MED13L: variants seen among roughly 807,000 people sequenced by gnomAD.
MED13L encodes mediator of RNA polymerase II transcription subunit 13-like.
MED13L carries 7 observed loss-of-function variants against 220.9 expected under a neutral mutation model. The observed-to-expected ratio is 0.03, with a 90% confidence interval of 0.02 to 0.06. The LOEUF (loss-of-function observed/expected upper bound fraction) is 0.06. MED13L is among the 10% of genes least tolerant of loss of function. The pLI is 1.00. For synonymous variants in MED13L, 1,011 were observed against 1,015.2 expected, an observed-to-expected ratio of 1.00 and a Z score of 0.08; for missense variants, 1,965 against 2,760.5, an observed-to-expected ratio of 0.71 and a Z score of 6.46.
At chr12:116,259,141 A>G (rs1872300398) in intron 1 of MED13L, among the ~76,000 whole-genome samples, 1 of 152,222 alleles carries the variant, frequency 6.6e-6, no homozygotes, top group South Asian at 2.1e-4. Flanking sequence ...TAAACAAACA[A>G]TAGTACATCC....
chr12:116,097,172 CAG>C (rs969254187), intron 3 of MED13L, among the ~76,000 whole-genome samples: 1 of 150,988 alleles, frequency 6.6e-6, no homozygotes, highest in South Asian at 2.1e-4. Flanking sequence ...TTTTTTGAGA[CAG>C]AGTCTCTGTT....
chr12:115,970,291 A>G (rs1228916580), intron 27 of MED13L, among the ~76,000 whole-genome samples: 2 of 152,220 alleles, frequency 1.3e-5, no homozygotes, highest in African/African-American at 4.8e-5. Context: ...ACATCAGCAA[A>G]TATTTATTGA....
intron 2 of MED13L, among the ~76,000 whole-genome samples, chr12:116,190,731 C>T (rs900609625): frequency 6.6e-6 from 1 of 152,052 alleles, no homozygotes; most frequent in African/African-American, 2.4e-5. Context: ...CATGTGAAAA[C>T]GATACAATTT....
At chr12:116,013,917 G>A (rs1463598073) in intron 8 of MED13L, among the ~76,000 whole-genome samples, 1 of 152,034 alleles carries the variant, frequency 6.6e-6, no homozygotes, top group African/African-American at 2.4e-5. Context: ...GGAGGTGTAA[G>A]GTTGATGGTG....
At chr12:116,161,409 A>G (rs988525914) in intron 2 of MED13L, among the ~76,000 whole-genome samples, 2 of 152,180 alleles carry the variant, frequency 1.3e-5, no homozygotes, top group African/African-American at 4.8e-5. Context: ...ACCTTCCAGT[A>G]CTAACCCCCA....
chr12:115,980,716 A>G, intron 23 of MED13L, 34 bp downstream of exon 23: 1 of 1,609,888 alleles, frequency 6.2e-7, no homozygotes, highest in East Asian at 2.2e-5. Context: ...ATTTTAGTAT[A>G]AATTTTCTAA....
chr12:116,215,343 T>C (rs1190477108), intron 2 of MED13L, among the ~76,000 whole-genome samples: 2 of 152,228 alleles, frequency 1.3e-5, no homozygotes, highest in Admixed American at 6.5e-5. Context: ...ACATATTCCA[T>C]AGAACCTTCA....
rs756387715 is a variant in MED13L at position 116,019,834 on chromosome 12, T to C, written c.764A>G (p.Glu255Gly). The change falls in exon 6 of 31, where the codon GAG becomes GGG. Residue 255 changes from glutamate to glycine, a missense_variant. By Grantham distance (98) the Glu-to-Gly change is moderately conservative. This residue lies in a region of MED13L where 818 missense variants were observed against 1,041.2 expected (regional missense o/e 0.79). Transcript: ENST00000281928. ...ATCATCATATCCCAACTCGTCTTCC[T>C]CTTTCGATTCTTCTTTCTTTTTTAG... ...MVLKKKEESK[E>G]EDELGYDDDF... is the part of the protein sequence containing the mutation. 6.2e-7 allele frequency: 1 copy of C among 1,614,038 alleles called. No homozygotes were observed. Among genetic ancestry groups the C allele is most frequent in the South Asian group, 1.1e-5 (1 of 91,086 alleles).
chr12:115,994,852 T>C (rs1397826599), intron 16 of MED13L, among the ~76,000 whole-genome samples: 1 of 152,232 alleles, frequency 6.6e-6, no homozygotes, highest in East Asian at 1.9e-4. Context: ...GCACACTCTT[T>C]ATACTGCTGG....
Position 115,968,063 on chromosome 12 carries a change from C to T in MED13L, c.6225+877G>A, listed in dbSNP as rs867336882. 1.6e-3 allele frequency among the ~76,000 whole-genome samples: 220 copies of T among 136,326 alleles called. 12 individuals are homozygous for T. Among genetic ancestry groups the T allele is most frequent in the African/African-American group, 5.4e-3 (201 of 37,132 alleles). The allele number at this position is 136,326 out of a possible 152,430, so 89.4% of individuals were successfully genotyped here. ...TGCTGGGAATAAAAGTCCCCCCCCCCCCCCGATGAAAACTGAAGTCCTTTA... is the reference window on the plus strand; with the variant it reads ...TGCTGGGAATAAAAGTCCCCCCCCCTCCCCGATGAAAACTGAAGTCCTTTA... On this transcript the variant is annotated intron_variant, in intron 28 of 30. Coordinates refer to ENST00000281928, the MANE Select transcript of MED13L (RefSeq NM_015335.5).
chr12:116,276,315 TGTGTGTG>T, intron 1 of MED13L: 1 of 310,846 alleles, frequency 3.2e-6, no homozygotes. Flanking sequence ...CTTTTGTGTG[TGTGTGTG>T]TGTGTGTGTG....
At chr12:116,044,304 C>G (rs1036252830) in intron 4 of MED13L, among the ~76,000 whole-genome samples, 7 of 152,180 alleles carry the variant, frequency 4.6e-5, no homozygotes, top group African/African-American at 1.4e-4. Context: ...AGATTCAGCA[C>G]TGAGAAAAGT....
chr12:116,212,841 CAG>C (rs988103126), intron 2 of MED13L, among the ~76,000 whole-genome samples: 6 of 152,064 alleles, frequency 3.9e-5, no homozygotes, highest in Non-Finnish European at 2.9e-5. Context: ...AGAAATGACA[CAG>C]AGAGAATTAC....
At chr12:116,046,581 A>G (rs1294546532) in intron 4 of MED13L, among the ~76,000 whole-genome samples, 1 of 152,234 alleles carries the variant, frequency 6.6e-6, no homozygotes, top group Non-Finnish European at 1.5e-5. Context: ...TCAATTTGTA[A>G]GGGAAATTTC....
chr12:116,183,749 A>G (rs528153447), intron 2 of MED13L, among the ~76,000 whole-genome samples: 1 of 152,254 alleles, frequency 6.6e-6, no homozygotes, highest in Middle Eastern at 3.4e-3. Flanking sequence ...CAAGCAGGGA[A>G]AAAATCAACA....
chr12:116,213,315 C>T (rs891879943), intron 2 of MED13L, among the ~76,000 whole-genome samples: 44 of 152,136 alleles, frequency 2.9e-4, no homozygotes, highest in Admixed American at 2.8e-3. Context: ...AAATCAAAGA[C>T]AAAAGCAAGC....
At chr12:116,092,873 GA>G (rs1170190627) in intron 4 of MED13L, among the ~76,000 whole-genome samples, 2 of 152,054 alleles carry the variant, frequency 1.3e-5, no homozygotes, top group Non-Finnish European at 1.5e-5. Context: ...GAACAGAGTA[GA>G]TTTGCCCAAG....
intron 2 of MED13L, among the ~76,000 whole-genome samples, chr12:116,135,825 T>C (rs2138024109): frequency 6.6e-6 from 1 of 152,116 alleles, no homozygotes; most frequent in African/African-American, 2.4e-5. Context: ...TGATCCTTGA[T>C]GAGTTATCCA....
In MED13L at chr12:116,002,994, T is replaced by A; in HGVS notation, c.2569+9A>T. The A allele has an allele frequency of 6.2e-7, 1 of 1,609,314 alleles. No homozygotes were observed. The highest frequency in any genetic ancestry group is 8.5e-7 in the Non-Finnish European group (1 of 1,175,546). ...AGCCACAATGGCTCAGTCAAGTTTCTCTACCTACTTGGTGGATAAGGAACA... is the reference window on the plus strand; with the variant it reads ...AGCCACAATGGCTCAGTCAAGTTTCACTACCTACTTGGTGGATAAGGAACA... On this transcript the variant is annotated intron_variant, in intron 14 of 30. Transcript: ENST00000281928.
Sources: gnomAD v4.1 joint callset for allele counts (sites outside exome capture counted in the v4.1 genomes callset) on GRCh38, gnomAD v4.1.1 for gene constraint, gnomAD v4.1.1 regional missense constraint, MANE v1.5 for transcripts, NCBI Gene and HGNC (gene_info 2026-07-23, HGNC 2026-07-21) for gene names.